Variants in ENTREP2 observed in about 807,000 individuals in gnomAD.
ENTREP2 encodes endosomal transmembrane epsin interactor 2.
the ENTREP2 span, among the ~76,000 whole-genome samples, chr15:29,173,894 T>G: frequency 6.7e-6 from 1 of 148,994 alleles, no homozygotes; most frequent in Admixed American, 6.7e-5. Flanking sequence ...AGCAATTATA[T>G]AAGCAATTGA....
At chr15:29,489,223 G>A in the ENTREP2 span, among the ~76,000 whole-genome samples, 3 of 152,198 alleles carry the variant, frequency 2.0e-5, no homozygotes, top group African/African-American at 7.2e-5. Context: ...GGATTACCCT[G>A]AGATCTCTTC....
At chr15:29,465,331 A>G in the ENTREP2 span, among the ~76,000 whole-genome samples, 1 of 152,192 alleles carries the variant, frequency 6.6e-6, no homozygotes, top group South Asian at 2.1e-4. Context: ...GTTCTCCAGG[A>G]AGAGCCAGGC....
the ENTREP2 span, among the ~76,000 whole-genome samples, chr15:29,662,949 G>A: frequency 1.8e-3 from 269 of 151,900 alleles, no homozygotes; most frequent in African/African-American, 6.3e-3. Flanking sequence ...CCAACCTCAG[G>A]TGATCCGCCC....
chr15:29,196,942 A>G, the ENTREP2 span, among the ~76,000 whole-genome samples: 2 of 152,098 alleles, frequency 1.3e-5, no homozygotes, highest in Non-Finnish European at 2.9e-5. Flanking sequence ...ACAGTCAGAA[A>G]TTTCCTGCCT....
At chr15:29,162,302 A>G in the ENTREP2 span, among the ~76,000 whole-genome samples, 6 of 152,180 alleles carry the variant, frequency 3.9e-5, no homozygotes, top group Non-Finnish European at 8.8e-5. Flanking sequence ...ACAGGGTTAG[A>G]AGCCTCCTGG....
chr15:29,654,634 A>T, the ENTREP2 span, among the ~76,000 whole-genome samples: 1 of 152,222 alleles, frequency 6.6e-6, no homozygotes, highest in Non-Finnish European at 1.5e-5. Flanking sequence ...CCATATCTCT[A>T]TGTAAGGTAT....
chr15:29,173,329 C>T, the ENTREP2 span, among the ~76,000 whole-genome samples: 14 of 152,212 alleles, frequency 9.2e-5, no homozygotes, highest in African/African-American at 1.2e-4. Context: ...TGATAGAAGA[C>T]GGCACTGAAG....
At chr15:29,644,529 G>T in the ENTREP2 span, among the ~76,000 whole-genome samples, 1 of 152,182 alleles carries the variant, frequency 6.6e-6, no homozygotes, top group Non-Finnish European at 1.5e-5. Context: ...CTGGCCGGGC[G>T]CGGTGGCCCA....
At chr15:29,658,295 A>G in the ENTREP2 span, among the ~76,000 whole-genome samples, 2 of 152,146 alleles carry the variant, frequency 1.3e-5, no homozygotes, top group South Asian at 2.1e-4. Context: ...AGACATGTTT[A>G]CTTTTCCTTC....
chr15:29,119,328 T>G, the ENTREP2 span, among the ~76,000 whole-genome samples: 4 of 50,082 alleles, frequency 8.0e-5, 2 homozygotes, highest in African/African-American at 1.6e-4. Context: ...AAACCATCAT[T>G]CTCAGTAAAC....
the ENTREP2 span, among the ~76,000 whole-genome samples, chr15:29,346,806 TCA>T: frequency 6.6e-6 from 1 of 152,160 alleles, no homozygotes; most frequent in Non-Finnish European, 1.5e-5. Context: ...TGCTCCAATT[TCA>T]CAGTTATTTG....
At chr15:29,229,540 A>G in the ENTREP2 span, among the ~76,000 whole-genome samples, 2 of 152,148 alleles carry the variant, frequency 1.3e-5, no homozygotes, top group Non-Finnish European at 2.9e-5. Flanking sequence ...CTTCCACTAC[A>G]TCATATCTGA....
chr15:29,161,348 G>A, the ENTREP2 span, among the ~76,000 whole-genome samples: 31 of 152,308 alleles, frequency 2.0e-4, no homozygotes, highest in Non-Finnish European at 3.4e-4. Flanking sequence ...CATCCGTGGT[G>A]GGCCCTTAGC....
chr15:29,520,505 G>A, the ENTREP2 span, among the ~76,000 whole-genome samples: 1 of 151,820 alleles, frequency 6.6e-6, no homozygotes, highest in Non-Finnish European at 1.5e-5. Flanking sequence ...AAGAAACAAT[G>A]GAATCCTGAG....
chr15:29,598,727 C>T, the ENTREP2 span, among the ~76,000 whole-genome samples: 3 of 152,134 alleles, frequency 2.0e-5, no homozygotes, highest in East Asian at 1.9e-4. Flanking sequence ...GACGGAGTCT[C>T]GCTTTGTCGC....
chr15:29,337,008 G>T, the ENTREP2 span, among the ~76,000 whole-genome samples: 1 of 152,158 alleles, frequency 6.6e-6, no homozygotes, highest in Non-Finnish European at 1.5e-5. Context: ...GTGCAAAATG[G>T]CCAGAATTCT....
chr15:29,407,328 T>C, the ENTREP2 span, among the ~76,000 whole-genome samples: 2 of 152,172 alleles, frequency 1.3e-5, no homozygotes, highest in Non-Finnish European at 2.9e-5. Flanking sequence ...GGGACCACCA[T>C]TGTATACACA....
chr15:29,556,770 C>CG, the ENTREP2 span, among the ~76,000 whole-genome samples: 1 of 144,424 alleles, frequency 6.9e-6, no homozygotes, highest in Admixed American at 6.9e-5. Flanking sequence ...GTGCCCCCCC[C>CG]CCGCCCCACA....
the ENTREP2 span, among the ~76,000 whole-genome samples, chr15:29,554,628 A>T: frequency 6.6e-6 from 1 of 152,172 alleles, no homozygotes; most frequent in Non-Finnish European, 1.5e-5. Context: ...AATTTCAGAT[A>T]GTATTAAGTG....
Sources: allele counts gnomAD v4.1 joint callset (sites outside exome capture counted in the v4.1 genomes callset), GRCh38; gene constraint gnomAD v4.1.1; transcripts MANE v1.5; gene names NCBI Gene and HGNC (gene_info 2026-07-23, HGNC 2026-07-21).